The following DBX2 variants were observed in gnomAD, a reference collection of about 807,000 sequenced individuals.
The protein encoded by DBX2 is homeobox protein DBX2.
A neutral mutation model predicts 17.7 loss-of-function variants in DBX2; 16 were observed. The ratio of observed to expected loss-of-function variants is 0.90; its 90% CI spans 0.61 to 1.37. The LOEUF is 1.37. Ranked by LOEUF, DBX2 falls within the 40% of genes most tolerant of loss-of-function variation. The pLI is 0.00. For synonymous variants in DBX2, 255 were observed against 183.8 expected (o/e 1.39, Z -3.13); for missense variants, 538 against 433.8 (o/e 1.24, Z -2.13).
At chr12:45,048,277 A>G (rs1946510454) in intron 1 of DBX2, among the ~76,000 whole-genome samples, 1 of 152,144 alleles carries the variant, frequency 6.6e-6, no homozygotes, top group Non-Finnish European at 1.5e-5. Flanking sequence ...TAAGTCTGGG[A>G]AAAAAGGGGG....
chr12:45,030,929 G>T (rs2137024195), intron 2 of DBX2, among the ~76,000 whole-genome samples: 1 of 152,194 alleles, frequency 6.6e-6, no homozygotes. Context: ...GGGATAAGAG[G>T]TCATTTGTTT....
intron 1 of DBX2, among the ~76,000 whole-genome samples, chr12:45,036,525 GCTAGTATAATGAATAA>G (rs1946442032): frequency 6.6e-6 from 1 of 152,092 alleles, no homozygotes; most frequent in Non-Finnish European, 1.5e-5. Context: ...TTAAAATGTA[GCTAGTATAATGAATAA>G]CTGCATATTT....
At chr12:45,024,485 C>A (rs192796349) in intron 2 of DBX2, among the ~76,000 whole-genome samples, 111 of 152,312 alleles carry the variant, frequency 7.3e-4, no homozygotes, top group African/African-American at 2.6e-3. Context: ...AATTTGCATG[C>A]CACATCAAGG....
At chr12:45,034,924 T>C (rs1177502758) in intron 2 of DBX2, among the ~76,000 whole-genome samples, 2 of 152,016 alleles carry the variant, frequency 1.3e-5, no homozygotes, top group African/African-American at 4.8e-5. Context: ...CGTGGTGAGG[T>C]CGCGTGTGGA....
intron 1 of DBX2, among the ~76,000 whole-genome samples, chr12:45,036,522 G>A (rs189432339): frequency 1.6e-3 from 244 of 152,252 alleles, no homozygotes; most frequent in African/African-American, 5.7e-3. Context: ...CACTTAAAAT[G>A]TAGCTAGTAT....
chr12:45,038,311 T>C (rs1946451010), intron 1 of DBX2, among the ~76,000 whole-genome samples: 1 of 133,232 alleles, frequency 7.5e-6, no homozygotes, highest in African/African-American at 2.5e-5. Context: ...ATTGTTGTTG[T>C]CTTTTGAGGT....
intron 1 of DBX2, among the ~76,000 whole-genome samples, chr12:45,045,767 T>C (rs1396667794): frequency 6.6e-6 from 1 of 152,198 alleles, no homozygotes; most frequent in African/African-American, 2.4e-5. Context: ...TTGCCCAGGC[T>C]GGAGTGCAGT....
chr12:45,043,475 C>T (rs186687818), intron 1 of DBX2, among the ~76,000 whole-genome samples: 81 of 152,322 alleles, frequency 5.3e-4, no homozygotes, highest in South Asian at 2.5e-3. Flanking sequence ...CTTTCAGAAT[C>T]CAGCCACTCT....
rs141014405 is a variant in DBX2 at position 45,018,105 on chromosome 12, C to T, written c.688-1487G>A. Among the ~76,000 whole-genome samples, 168 of 152,238 alleles carry T rather than the reference C, an allele frequency of 1.1e-3. 1 individual carries two copies. Among genetic ancestry groups the T allele is most frequent in the Admixed American group, 4.1e-3 (62 of 15,292 alleles). ...AACACCATGATTAAGGCTTTTCATA[C>T]GAAAACAGAACTAATGTGTACATAC... On this transcript the variant is annotated intron_variant, in intron 3 of 3. Coordinates refer to ENST00000332700, the MANE Select transcript of DBX2 (RefSeq NM_001004329.3).
chr12:45,044,105 TA>T (rs760617459), intron 1 of DBX2, among the ~76,000 whole-genome samples: 5 of 136,834 alleles, frequency 3.7e-5, no homozygotes, highest in Non-Finnish European at 8.7e-5. Context: ...AAAAGCAAGA[TA>T]GTAAATACTT....
chr12:45,026,905 C>A (rs1946384106), intron 2 of DBX2, among the ~76,000 whole-genome samples: 1 of 152,152 alleles, frequency 6.6e-6, no homozygotes. Flanking sequence ...CCTTTTACAT[C>A]ATTAATTATT....
rs1460387375 is a variant in DBX2, at chr12:45,014,954, A to G, written c.*1332T>C. The G allele has an allele frequency of 1.3e-5, 2 of 152,196 alleles. No individual in the cohort carries two copies. Among genetic ancestry groups the G allele is most frequent in the Non-Finnish European group, 2.9e-5 (2 of 68,024 alleles). 9.4% of individuals were successfully genotyped at this position (152,196 alleles called of 1,614,324 possible). A position where few individuals can be genotyped will look rare whatever the true frequency, so the allele number is the denominator to read the frequency against. ...GTTCAGCAAATTAGAAGCCACCATC[A>G]TTATGCAGCTTACTCACTAACAAAA... On this transcript the variant is annotated 3_prime_UTR_variant, in exon 4 of 4. Coordinates refer to ENST00000332700, the MANE Select transcript of DBX2 (RefSeq NM_001004329.3).
intron 1 of DBX2, among the ~76,000 whole-genome samples, chr12:45,044,943 G>A (rs1454134423): frequency 6.6e-6 from 1 of 152,046 alleles, no homozygotes; most frequent in Non-Finnish European, 1.5e-5. Context: ...ATTAAAAGTG[G>A]AAACATTACT....
intron 3 of DBX2, among the ~76,000 whole-genome samples, chr12:45,022,694 C>T (rs1235219046): frequency 6.6e-6 from 1 of 152,160 alleles, no homozygotes; most frequent in Non-Finnish European, 1.5e-5. Flanking sequence ...ACAGAGCCTC[C>T]TCTAACCCTT....
chr12:45,046,465 T>C (rs569634451), intron 1 of DBX2, among the ~76,000 whole-genome samples: 84 of 152,280 alleles, frequency 5.5e-4, no homozygotes, highest in Non-Finnish European at 1.0e-3. Context: ...CAAAATTCTA[T>C]GATTTTAATT....
intron 1 of DBX2, among the ~76,000 whole-genome samples, chr12:45,050,018 A>T (rs753727670): frequency 6.6e-6 from 1 of 152,128 alleles, no homozygotes; most frequent in Admixed American, 6.5e-5. Context: ...CCTTCCAAAG[A>T]TCTTTGCGCG....
At chr12:45,028,182 A>C (rs186737039) in intron 2 of DBX2, among the ~76,000 whole-genome samples, 1 of 152,336 alleles carries the variant, frequency 6.6e-6, no homozygotes, top group Non-Finnish European at 1.5e-5. Flanking sequence ...TCTGGATTGC[A>C]GGGTATGACT....
At chr12:45,031,219 T>TGA (rs1482006522) in intron 2 of DBX2, among the ~76,000 whole-genome samples, 26 of 87,534 alleles carry the variant, frequency 3.0e-4, no homozygotes, top group South Asian at 4.8e-4. Context: ...TGTGTGTGTG[T>TGA]GTGTGTGAGA....
intron 1 of DBX2, among the ~76,000 whole-genome samples, chr12:45,042,166 C>T (rs1946474957): frequency 6.6e-6 from 1 of 152,144 alleles, no homozygotes; most frequent in Admixed American, 6.5e-5. Context: ...GTGAAAAGAA[C>T]ATAAAACAAC....
Sources: allele counts gnomAD v4.1 joint callset (sites outside exome capture counted in the v4.1 genomes callset), GRCh38; gene constraint gnomAD v4.1.1; transcripts MANE v1.5; gene names NCBI Gene and HGNC (gene_info 2026-07-23, HGNC 2026-07-21).